CTNNA3: variants seen among roughly 807,000 people sequenced by gnomAD.
CTNNA3 encodes catenin alpha-3.
Under a neutral mutation model 95.7 loss-of-function variants are expected in CTNNA3, and 76 were observed. That is an observed-to-expected ratio of 0.79 (90% CI 0.66 to 0.96). The LOEUF is 0.96. Ranked by LOEUF, CTNNA3 falls within the 40% of genes least tolerant of loss-of-function variation. The probability of loss-of-function intolerance (pLI) is 0.00; values close to 1 mark genes in which losing one functional copy is unlikely to be tolerated. For synonymous variants in CTNNA3, 431 were observed against 374.4 expected (o/e 1.15, Z -1.74); for missense variants, 1,191 against 1,089.8 (o/e 1.09, Z -1.31).
chr10:66,666,570 C>T (rs906214899), intron 9 of CTNNA3, among the ~76,000 whole-genome samples: 6 of 152,072 alleles, frequency 3.9e-5, no homozygotes, highest in African/African-American at 1.4e-4. Flanking sequence ...ATAACCATTG[C>T]TTGCCTTTAA....
intron 1 of CTNNA3, among the ~76,000 whole-genome samples, chr10:67,660,258 C>T (rs958372033): frequency 6.6e-6 from 1 of 152,302 alleles, no homozygotes; most frequent in Admixed American, 6.5e-5. Context: ...TTTCTTATTA[C>T]ACATGTTAAA....
intron 1 of CTNNA3, among the ~76,000 whole-genome samples, chr10:67,731,319 AC>A (rs750319208): frequency 2.6e-5 from 4 of 151,894 alleles, no homozygotes; most frequent in Non-Finnish European, 5.9e-5. Flanking sequence ...GGAGCTCGTG[AC>A]CAGCCTGGCA....
At chr10:67,704,586 G>A (rs1841065971) in intron 1 of CTNNA3, among the ~76,000 whole-genome samples, 1 of 152,184 alleles carries the variant, frequency 6.6e-6, no homozygotes, top group Non-Finnish European at 1.5e-5. Flanking sequence ...GTAGAAAGCT[G>A]AAACTGGATC....
chr10:67,019,769 C>T (rs1293556384), intron 7 of CTNNA3, among the ~76,000 whole-genome samples: 1 of 152,088 alleles, frequency 6.6e-6, no homozygotes, highest in African/African-American at 2.4e-5. Flanking sequence ...ACCATCTACC[C>T]TGTTTGTCCT....
intron 9 of CTNNA3, among the ~76,000 whole-genome samples, chr10:66,664,632 A>T (rs2894016): frequency 6.6e-6 from 1 of 151,506 alleles, no homozygotes; most frequent in Non-Finnish European, 1.5e-5. Context: ...ACTGACTGGA[A>T]TCATCTAGGT....
At chr10:66,120,178 T>C (rs1246320188) in intron 13 of CTNNA3, among the ~76,000 whole-genome samples, 1 of 152,188 alleles carries the variant, frequency 6.6e-6, no homozygotes, top group Non-Finnish European at 1.5e-5. Flanking sequence ...ATTCAAATAA[T>C]TAATTTTAAA....
At chr10:66,621,056 C>T (rs1031892679) in intron 10 of CTNNA3, among the ~76,000 whole-genome samples, 1 of 152,098 alleles carries the variant, frequency 6.6e-6, no homozygotes, top group Non-Finnish European at 1.5e-5. Flanking sequence ...AAGTGTGTCA[C>T]TCTTCAGATT....
intron 5 of CTNNA3, among the ~76,000 whole-genome samples, chr10:67,320,249 T>C (rs1347202832): frequency 1.3e-5 from 2 of 151,988 alleles, no homozygotes; most frequent in Non-Finnish European, 1.5e-5. Context: ...ATGAAAAACA[T>C]GGAAAGTTAA....
intron 5 of CTNNA3, among the ~76,000 whole-genome samples, chr10:67,477,358 G>A (rs1430043194): frequency 3.3e-5 from 5 of 151,938 alleles, no homozygotes; most frequent in South Asian, 2.1e-4. Flanking sequence ...CCCCACCCCC[G>A]GGGGCAAAGC....
intron 1 of CTNNA3, among the ~76,000 whole-genome samples, chr10:67,683,633 G>C (rs1430662411): frequency 6.6e-6 from 1 of 152,206 alleles, no homozygotes; most frequent in Non-Finnish European, 1.5e-5. Context: ...ATGCATATAG[G>C]TAAGAGTGTG....
intron 1 of CTNNA3, among the ~76,000 whole-genome samples, chr10:67,710,164 G>A (rs372595038): frequency 9.2e-5 from 14 of 152,052 alleles, no homozygotes; most frequent in Non-Finnish European, 5.9e-5. Context: ...AAGGGAGAGC[G>A]ATAAAGGAAG....
intron 5 of CTNNA3, among the ~76,000 whole-genome samples, chr10:67,360,153 A>G (rs1034088773): frequency 2.6e-5 from 4 of 152,028 alleles, no homozygotes; most frequent in African/African-American, 9.7e-5. Context: ...ACAAGCAAAC[A>G]CTAAGGGAAT....
intron 17 of CTNNA3, among the ~76,000 whole-genome samples, chr10:65,933,246 T>C (rs2077282892): frequency 6.6e-6 from 1 of 152,178 alleles, no homozygotes; most frequent in Non-Finnish European, 1.5e-5. Context: ...ATTTCAATTA[T>C]TTGTGACATG....
chr10:67,364,194 C>T (rs560377120), intron 5 of CTNNA3, among the ~76,000 whole-genome samples: 16 of 152,248 alleles, frequency 1.1e-4, no homozygotes, highest in African/African-American at 3.9e-4. Flanking sequence ...TAAACGTAAT[C>T]CATCACATAA....
intron 5 of CTNNA3, among the ~76,000 whole-genome samples, chr10:67,323,138 T>C (rs762886681): frequency 6.6e-6 from 1 of 152,220 alleles, no homozygotes; most frequent in Non-Finnish European, 1.5e-5. Flanking sequence ...GATGCATAGT[T>C]TGCTAAAATT....
At chr10:67,156,091 A>G (rs148163750) in intron 7 of CTNNA3, among the ~76,000 whole-genome samples, 95 of 152,216 alleles carry the variant, frequency 6.2e-4, no homozygotes, top group Admixed American at 1.9e-3. Flanking sequence ...AGAATTGTTC[A>G]CAGTAGTCTT....
At chr10:66,660,738 G>A (rs917731212) in intron 9 of CTNNA3, among the ~76,000 whole-genome samples, 1 of 152,090 alleles carries the variant, frequency 6.6e-6, no homozygotes, top group African/African-American at 2.4e-5. Flanking sequence ...CTCAAACTCA[G>A]AGAAGTCTTC....
chr10:66,680,179 T>C (rs1847017845), intron 9 of CTNNA3, among the ~76,000 whole-genome samples: 1 of 151,348 alleles, frequency 6.6e-6, no homozygotes, highest in South Asian at 2.1e-4. Context: ...TTTTTTTGTT[T>C]GTTTTTTGTT....
intron 3 of CTNNA3, among the ~76,000 whole-genome samples, chr10:67,563,340 C>T (rs1190318805): frequency 2.0e-5 from 3 of 152,090 alleles, no homozygotes; most frequent in African/African-American, 7.2e-5. Context: ...ATACCACACA[C>T]ATCTACAACC....
Sources: gnomAD v4.1 joint callset for allele counts (sites outside exome capture counted in the v4.1 genomes callset) on GRCh38, gnomAD v4.1.1 for gene constraint, MANE v1.5 for transcripts, NCBI Gene and HGNC (gene_info 2026-07-23, HGNC 2026-07-21) for gene names.